SLC25A24: variants seen among roughly 807,000 people sequenced by gnomAD.
The protein encoded by SLC25A24 is solute carrier family 25 member 24, also known as mitochondrial adenyl nucleotide antiporter SLC25A24.
Under a neutral mutation model 60.7 loss-of-function variants are expected in SLC25A24, and 49 were observed. The observed-to-expected ratio is 0.81, with a 90% confidence interval of 0.64 to 1.02. SLC25A24 has a LOEUF of 1.02. SLC25A24 is among the 50% of genes least tolerant of loss of function. SLC25A24 has a pLI of 0.00. For synonymous variants in SLC25A24, 202 were observed against 200.6 expected, an observed-to-expected ratio of 1.01 and a Z score of -0.06; for missense variants, 564 against 586.3, an observed-to-expected ratio of 0.96 and a Z score of 0.39.
At chr1:108,142,179 T>C (rs543174289) in intron 8 of SLC25A24, among the ~76,000 whole-genome samples, 8 of 152,118 alleles carry the variant, frequency 5.3e-5, no homozygotes, top group Non-Finnish European at 1.0e-4. Context: ...CTGGTGAGAA[T>C]GTAAGTGCAG....
rs1558004834 is a variant in SLC25A24, at chr1:108,136,406, A to G, written c.*247T>C. 5.9e-6 allele frequency: 2 copies of G among 339,682 alleles called. No homozygotes were observed. The highest frequency in any genetic ancestry group is 1.1e-5 in the Non-Finnish European group (2 of 189,200). 21.0% of individuals were successfully genotyped at this position (339,682 alleles called of 1,614,324 possible). A position where few individuals can be genotyped will look rare whatever the true frequency, so the allele number is the denominator to read the frequency against. On this transcript the variant is annotated 3_prime_UTR_variant, in exon 10 of 10. Transcript: ENST00000565488. ...TTTCGGATTCAGGGCAGAGATTTGC[A>G]GGATTATTAAGAAAAGATAAAGTAT...
At chr1:108,161,725 A>G (rs1410170855) in intron 3 of SLC25A24, among the ~76,000 whole-genome samples, 1 of 152,230 alleles carries the variant, frequency 6.6e-6, no homozygotes, top group African/African-American at 2.4e-5. Context: ...ACATGCTATC[A>G]ACTTCCTCGA....
chr1:108,200,209 C>T lies in SLC25A24; in HGVS notation c.-71G>A. 2.1e-6 allele frequency: 3 copies of T among 1,412,334 alleles called. No individual in the cohort carries two copies. Among genetic ancestry groups the T allele is most frequent in the Non-Finnish European group, 2.8e-6 (3 of 1,074,716 alleles). 87.5% of individuals were successfully genotyped at this position (1,412,334 alleles called of 1,614,324 possible). The stretch of plus-strand genomic sequence containing the variant: ...CGAGGGCTGCGGGGCGAGACCGGGA[C>T]CAGCGCGAGGCCGGGCTGGGCGGGG... On this transcript the variant is annotated 5_prime_UTR_variant, in exon 1 of 10. Coordinates refer to ENST00000565488, the MANE Select transcript of SLC25A24 (RefSeq NM_013386.5).
chr1:108,142,344 A>G (rs896065207), intron 8 of SLC25A24, among the ~76,000 whole-genome samples: 3 of 152,236 alleles, frequency 2.0e-5, no homozygotes, highest in East Asian at 1.9e-4. Flanking sequence ...ATTATTCACA[A>G]TGTTGGAAAA....
At chr1:108,179,842 T>C (rs1647851391) in intron 3 of SLC25A24, among the ~76,000 whole-genome samples, 1 of 151,984 alleles carries the variant, frequency 6.6e-6, no homozygotes, top group South Asian at 2.1e-4. Flanking sequence ...TCTTGAAAAA[T>C]ACTAAGAGAA....
At chr1:108,192,220 G>A (rs994817326) in intron 1 of SLC25A24, among the ~76,000 whole-genome samples, 1 of 139,186 alleles carries the variant, frequency 7.2e-6, no homozygotes, top group Non-Finnish European at 1.6e-5. Context: ...ATTGAACAAG[G>A]TGACTCCTAA....
Position 108,192,875 on chromosome 1 carries a change from T to C in SLC25A24, c.184-6921A>G. ...ACCTGCGTGGGACCGCACTCTGGGC[T>C]GCGCTGGGAGACCGCGGAGTTCCTG... is the stretch of plus-strand genomic sequence containing the variant. On this transcript the variant is annotated intron_variant, in intron 1 of 9. Coordinates refer to ENST00000565488, the MANE Select transcript of SLC25A24 (RefSeq NM_013386.5). The C allele has an allele frequency of 2.4e-6, 2 of 824,372 alleles. 1 individual carries two copies. The highest frequency in any genetic ancestry group is 1.5e-4 in the East Asian group (2 of 13,224). The allele number at this position is 824,372 out of a possible 1,614,324, so 51.1% of individuals were successfully genotyped here.
At chr1:108,170,380 C>T (rs996107434) in intron 3 of SLC25A24, among the ~76,000 whole-genome samples, 2 of 152,082 alleles carry the variant, frequency 1.3e-5, no homozygotes, top group Non-Finnish European at 2.9e-5. Context: ...TTATGGCCTA[C>T]TATGAAATCA....
At chr1:108,139,755 G>T (rs1468654884) in intron 8 of SLC25A24, among the ~76,000 whole-genome samples, 1 of 151,992 alleles carries the variant, frequency 6.6e-6, no homozygotes, top group Non-Finnish European at 1.5e-5. Flanking sequence ...TGGATTACAG[G>T]CACCCACCAC....
intron 1 of SLC25A24, among the ~76,000 whole-genome samples, chr1:108,191,903 A>T (rs1409744752): frequency 1.4e-5 from 2 of 139,458 alleles, no homozygotes. Flanking sequence ...GAAGCACAAC[A>T]TGCTGAGAAG....
At chr1:108,151,451 T>C (rs1679754219) in intron 6 of SLC25A24, among the ~76,000 whole-genome samples, 1 of 152,156 alleles carries the variant, frequency 6.6e-6, no homozygotes, top group Non-Finnish European at 1.5e-5. Context: ...ATCTCTGGGT[T>C]GAGAAATCCT....
rs1648137303 is a variant in SLC25A24 at position 108,186,752 on chromosome 1, C to T, written c.184-798G>A. On this transcript the variant is annotated intron_variant, in intron 1 of 9. Transcript: ENST00000565488. ...ACCCACTCAAAGCTTACAAATTCTACTGTTCTCATGGTCATGCTCTTCTGG... is the reference window on the plus strand; with the variant it reads ...ACCCACTCAAAGCTTACAAATTCTATTGTTCTCATGGTCATGCTCTTCTGG... 2.0e-5 allele frequency among the ~76,000 whole-genome samples: 3 copies of T among 152,192 alleles called. No homozygotes were observed. The South Asian group carries it at 6.2e-4, about 32-fold the overall frequency.
rs184995743 is a variant in SLC25A24, at chr1:108,135,883, G to A, written c.*770C>T. On this transcript the variant is annotated 3_prime_UTR_variant, in exon 10 of 10. Coordinates refer to ENST00000565488, the MANE Select transcript of SLC25A24 (RefSeq NM_013386.5). ...CAAAGGAAAACAAAGATGCTCTGCAGAAGCTGATACAAGTCAAAGGATTTC... is the reference window on the plus strand; with the variant it reads ...CAAAGGAAAACAAAGATGCTCTGCAAAAGCTGATACAAGTCAAAGGATTTC... 1.1e-4 allele frequency: 17 copies of A among 152,552 alleles called. No individual in the cohort carries two copies. Among genetic ancestry groups the A allele is most frequent in the African/African-American group, 4.1e-4 (17 of 41,590 alleles). 9.4% of individuals were successfully genotyped at this position (152,552 alleles called of 1,614,324 possible).
chr1:108,156,441 T>C (rs1679901737), intron 5 of SLC25A24, among the ~76,000 whole-genome samples: 1 of 152,238 alleles, frequency 6.6e-6, no homozygotes, highest in East Asian at 1.9e-4. Context: ...GTCAAGTTAC[T>C]ACTGTTCCTA....
At chr1:108,161,602 C>T (rs145709152) in intron 3 of SLC25A24, among the ~76,000 whole-genome samples, 2 of 152,186 alleles carry the variant, frequency 1.3e-5, no homozygotes, top group East Asian at 1.9e-4. Flanking sequence ...AAATATTAAA[C>T]GATGGTAATG....
At chr1:108,140,819 CAA>C (rs56793680) in intron 8 of SLC25A24, among the ~76,000 whole-genome samples, 1,720 of 129,324 alleles carry the variant, frequency 0.013, 14 homozygotes, top group African/African-American at 0.026. Context: ...CATATCACTA[CAA>C]AAAAAAAAAA....
At chr1:108,193,341 T>C (rs1648404553) in intron 1 of SLC25A24, among the ~76,000 whole-genome samples, 1 of 135,382 alleles carries the variant, frequency 7.4e-6, no homozygotes, top group Non-Finnish European at 1.6e-5. Context: ...CCTCCCTCCC[T>C]CCCCCCTTTT....
chr1:108,176,138 T>C (rs1298455236), intron 3 of SLC25A24, among the ~76,000 whole-genome samples: 2 of 151,260 alleles, frequency 1.3e-5, no homozygotes, highest in African/African-American at 2.4e-5. Context: ...ATTAGGAAAA[T>C]AACGAGTGAC....
chr1:108,173,694 T>C (rs1012654549), intron 3 of SLC25A24, among the ~76,000 whole-genome samples: 2 of 152,054 alleles, frequency 1.3e-5, no homozygotes, highest in African/African-American at 2.4e-5. Flanking sequence ...TCTTAAAAAT[T>C]TGGAGAGCTC....
Sources: gnomAD v4.1 joint callset for allele counts (sites outside exome capture counted in the v4.1 genomes callset) on GRCh38, gnomAD v4.1.1 for gene constraint, MANE v1.5 for transcripts, NCBI Gene and HGNC (gene_info 2026-07-23, HGNC 2026-07-21) for gene names.